Variants in COLGALT2 observed in about 807,000 individuals in gnomAD.
COLGALT2 encodes procollagen galactosyltransferase 2.
A neutral mutation model predicts 73.4 loss-of-function variants in COLGALT2; 49 were observed. The observed-to-expected ratio is 0.67, with a 90% CI of 0.53 to 0.85. The LOEUF is 0.85. Among genes scored for constraint, COLGALT2 ranks in the 40% least tolerant of loss-of-function variants. The pLI is 0.00. For missense variants in COLGALT2, 722 were observed against 790.2 expected (o/e 0.91, Z 1.03); for synonymous variants, 295 against 307.6 (o/e 0.96, Z 0.43).
downstream of COLGALT2, chr1:183,929,758 T>A (rs1669798131): frequency 6.5e-6 from 1 of 154,054 alleles, no homozygotes; most frequent in Non-Finnish European, 1.4e-5. Context: ...GCATTTTGCA[T>A]TGCTTTTCCC....
Position 183,952,123 on chromosome 1 carries a change from T to A in COLGALT2, c.1030-1010A>T, listed in dbSNP as rs1670417839. On this transcript the variant is annotated intron_variant, in intron 7 of 11. Transcript: ENST00000361927. ...ATGTCCTCACTATTCCCAGACTTAA[T>A]GAACCATAGAAGTATCTAAAGCTTT... Among the ~76,000 whole-genome samples, 3 of 152,350 alleles carry A rather than the reference T, an allele frequency of 2.0e-5. No homozygotes were observed. In the South Asian group the frequency reaches 6.2e-4, roughly 32 times the overall value.
chr1:183,962,741 A>G (rs1188254486), intron 6 of COLGALT2, among the ~76,000 whole-genome samples: 1 of 152,174 alleles, frequency 6.6e-6, no homozygotes, highest in Non-Finnish European at 1.5e-5. Context: ...CCCTGGCCTG[A>G]GACCAGCAGC....
chr1:183,947,041 G>A (rs562202961), intron 8 of COLGALT2, among the ~76,000 whole-genome samples: 1 of 151,826 alleles, frequency 6.6e-6, no homozygotes, highest in South Asian at 2.1e-4. Flanking sequence ...AAAAAAAAAA[G>A]GTCAATCCAT....
In COLGALT2 at chr1:184,037,464, G is replaced by A. The variant is rs1026882636; in HGVS notation, c.-107C>T. 2.5e-6 allele frequency: 3 copies of A among 1,205,522 alleles called. No homozygotes were observed. Among genetic ancestry groups the A allele is most frequent in the African/African-American group, 1.6e-5 (1 of 62,916 alleles). 74.7% of individuals were successfully genotyped at this position (1,205,522 alleles called of 1,614,324 possible). On this transcript the variant is annotated 5_prime_UTR_variant, in exon 1 of 12. Transcript: ENST00000361927. Reference sequence around the variant, plus strand: ...GAGCAAGGGGCTGCGAGGGGCGGCCGGGGGATGCGGCTTGCCGCGGCCGGC... The same window carrying A: ...GAGCAAGGGGCTGCGAGGGGCGGCCAGGGGATGCGGCTTGCCGCGGCCGGC...
At chr1:183,977,691 A>G (rs897781779) in intron 2 of COLGALT2, among the ~76,000 whole-genome samples, 41 of 151,862 alleles carry the variant, frequency 2.7e-4, no homozygotes, top group Non-Finnish European at 6.0e-4. Flanking sequence ...CAGGAGGTTG[A>G]GTGAGGAGTA....
chr1:183,977,501 G>A (rs1671229529), intron 2 of COLGALT2, among the ~76,000 whole-genome samples: 1 of 151,134 alleles, frequency 6.6e-6, no homozygotes, highest in Non-Finnish European at 1.5e-5. Context: ...AAATTGTTAT[G>A]GTAACCAGGC....
Position 183,974,966 on chromosome 1 carries a change from CT to C in COLGALT2, c.492+130del, listed in dbSNP as rs1008281855. The C allele has an allele frequency of 9.3e-6, 6 of 644,406 alleles. No individual in the cohort carries two copies. In the African/African-American group the frequency reaches 1.1e-4, roughly 12 times the overall value. 39.9% of individuals were successfully genotyped at this position (644,406 alleles called of 1,614,324 possible). On this transcript the variant is annotated intron_variant, in intron 3 of 11. Coordinates refer to ENST00000361927, the MANE Select transcript of COLGALT2 (RefSeq NM_015101.4). ...CTACCAAAAATTTCATTGTGCCTTT[CT>C]TAAAAAGTGGGGGAGGCACTGCCTA... is the stretch of plus-strand genomic sequence containing the variant.
At chr1:184,002,020 C>T (rs1171297899) in intron 1 of COLGALT2, among the ~76,000 whole-genome samples, 1 of 152,234 alleles carries the variant, frequency 6.6e-6, no homozygotes, top group Non-Finnish European at 1.5e-5. Context: ...GCTATGCCAC[C>T]CCTTGCTCCT....
At chr1:184,017,543 A>G (rs1168857139) in intron 1 of COLGALT2, among the ~76,000 whole-genome samples, 1 of 152,128 alleles carries the variant, frequency 6.6e-6, no homozygotes, top group Non-Finnish European at 1.5e-5. Context: ...CTGCAAACTA[A>G]ATGCATCCCC....
chr1:184,021,080 C>T (rs985022218), intron 1 of COLGALT2, among the ~76,000 whole-genome samples: 3 of 152,082 alleles, frequency 2.0e-5, no homozygotes, highest in Admixed American at 1.3e-4. Flanking sequence ...TTCAGCATGG[C>T]ACGAGACTAT....
downstream of COLGALT2, among the ~76,000 whole-genome samples, chr1:183,934,491 T>C (rs1669908081): frequency 6.6e-6 from 1 of 152,224 alleles, no homozygotes; most frequent in African/African-American, 2.4e-5. Context: ...AAACATCATG[T>C]GGGCGTGACA....
At chr1:183,939,069 G>A in intron 11 of COLGALT2, 32 bp from the exon 12 acceptor site, 2 of 1,561,636 alleles carry the variant, frequency 1.3e-6, no homozygotes, top group Non-Finnish European at 1.8e-6. Flanking sequence ...GACACATGAG[G>A]GGGCGGAAAG....
At position 183,944,226 on chromosome 1, in the gene COLGALT2, A is replaced by G. The variant is rs778417922; in HGVS notation, c.1367T>C (p.Ile456Thr). ...TTCCCAGTCCAGCTGAGCCTGGTCA[A>G]TGTTATCCATCAGCTTCATCAGCTT... is the stretch of plus-strand genomic sequence containing the variant. ...KKKLMKLMDNIDQAQLDWELI... is the reference protein window; with the variant it reads ...KKKLMKLMDNTDQAQLDWELI... The change falls in exon 10 of 12, where the codon ATT (isoleucine) becomes ACT (threonine). Residue 456 changes from isoleucine to threonine, a missense_variant. Physicochemically the swap from Ile to Thr is moderately conservative, Grantham distance 89. Coordinates refer to ENST00000361927, the MANE Select transcript of COLGALT2 (RefSeq NM_015101.4). 4.3e-6 allele frequency: 7 copies of G among 1,613,738 alleles called. No individual in the cohort carries two copies. In the African/African-American group the frequency reaches 9.3e-5, roughly 22 times the overall value.
chr1:184,028,581 C>T (rs929563011), intron 1 of COLGALT2, among the ~76,000 whole-genome samples: 1 of 152,200 alleles, frequency 6.6e-6, no homozygotes. Context: ...TGATGTATCC[C>T]TCAATAGGTC....
chr1:183,970,762 G>C (rs1164151195), intron 4 of COLGALT2, among the ~76,000 whole-genome samples: 3 of 152,148 alleles, frequency 2.0e-5, no homozygotes, highest in Non-Finnish European at 4.4e-5. Flanking sequence ...CATGTGATAA[G>C]GTCTATGAAC....
chr1:183,998,054 AT>A (rs1671817557), intron 1 of COLGALT2, among the ~76,000 whole-genome samples: 1 of 152,208 alleles, frequency 6.6e-6, no homozygotes, highest in South Asian at 2.1e-4. Context: ...AGGTCTGAAT[AT>A]GTTCAACTTT....
intron 2 of COLGALT2, among the ~76,000 whole-genome samples, chr1:183,977,941 A>G (rs1172714412): frequency 2.6e-5 from 4 of 152,208 alleles, no homozygotes; most frequent in Non-Finnish European, 5.9e-5. Context: ...GAGCATCAGT[A>G]GGGGATCAAT....
downstream of COLGALT2, among the ~76,000 whole-genome samples, chr1:183,932,481 C>A (rs2986553): frequency 4.0e-5 from 6 of 151,840 alleles, no homozygotes; most frequent in East Asian, 3.9e-4. Context: ...AACCTCCTCC[C>A]GGGAGGAGCC....
chr1:183,986,109 A>T (rs1301877179), intron 1 of COLGALT2, among the ~76,000 whole-genome samples: 1 of 152,180 alleles, frequency 6.6e-6, no homozygotes, highest in Non-Finnish European at 1.5e-5. Context: ...ATGCTCAGCC[A>T]CTCAGCAAAA....
Sources: gnomAD v4.1 joint callset for allele counts (sites outside exome capture counted in the v4.1 genomes callset) on GRCh38, gnomAD v4.1.1 for gene constraint, MANE v1.5 for transcripts, NCBI Gene and HGNC (gene_info 2026-07-23, HGNC 2026-07-21) for gene names.